PTPRG: variants seen among roughly 807,000 people sequenced by gnomAD.
PTPRG encodes the protein protein tyrosine phosphatase receptor type G.
Under a neutral mutation model 165.3 loss-of-function variants are expected in PTPRG, and 102 were observed. The observed-to-expected ratio is 0.62, with a 90% CI of 0.53 to 0.73. The LOEUF (loss-of-function observed/expected upper bound fraction) is 0.73, where lower values mean the gene tolerates loss of function less well. PTPRG is among the 30% of genes least tolerant of loss of function. The pLI is 0.00. For synonymous variants in PTPRG, 675 were observed against 669.5 expected, an observed-to-expected ratio of 1.01 and a Z score of -0.13; for missense variants, 1,866 against 1,861.4, an observed-to-expected ratio of 1.00 and a Z score of -0.05.
intron 2 of PTPRG, among the ~76,000 whole-genome samples, chr3:61,822,123 A>T (rs1023518714): frequency 6.6e-6 from 1 of 152,230 alleles, no homozygotes; most frequent in East Asian, 1.9e-4. Flanking sequence ...TGGAAGTATT[A>T]TGAGTTTGCT....
At chr3:61,995,237 T>C (rs1236842403) in intron 3 of PTPRG, among the ~76,000 whole-genome samples, 2 of 151,878 alleles carry the variant, frequency 1.3e-5, no homozygotes, top group Non-Finnish European at 1.5e-5. Flanking sequence ...TACAGGTGCA[T>C]GCCACCAAGC....
At chr3:61,781,854 A>C (rs1289753601) in intron 2 of PTPRG, among the ~76,000 whole-genome samples, 2 of 149,360 alleles carry the variant, frequency 1.3e-5, no homozygotes, top group African/African-American at 4.9e-5. Flanking sequence ...CAGCCTCCCA[A>C]GTAGCTGGGA....
In PTPRG at chr3:61,995,317, G is replaced by A. The variant is rs147140726; in HGVS notation, c.370+5513G>A. Among the ~76,000 whole-genome samples the A allele has an allele frequency of 6.0e-3, 907 of 151,818 alleles. 10 individuals carry two copies. Among genetic ancestry groups the A allele is most frequent in the African/African-American group, 0.018 (731 of 41,380 alleles). On this transcript the variant is annotated intron_variant, in intron 3 of 29. Transcript: ENST00000474889. ...TTGGCCAGGCTGGTCTCAAACTCCC[G>A]GCCTCAAGCAATCTGCCCCACCTCG...
intron 1 of PTPRG, among the ~76,000 whole-genome samples, chr3:61,588,700 C>T (rs1700496940): frequency 6.6e-6 from 1 of 152,218 alleles, no homozygotes; most frequent in South Asian, 2.1e-4. Context: ...CCTGCCTTGA[C>T]CTCCCAAAGT....
intron 3 of PTPRG, among the ~76,000 whole-genome samples, chr3:61,999,797 C>T (rs2041127713): frequency 6.6e-6 from 1 of 152,056 alleles, no homozygotes; most frequent in African/African-American, 2.4e-5. Context: ...CAATCTTGCT[C>T]ATGTTATTAA....
chr3:61,960,622 T>C (rs938976262), intron 2 of PTPRG, among the ~76,000 whole-genome samples: 1 of 152,172 alleles, frequency 6.6e-6, no homozygotes, highest in African/African-American at 2.4e-5. Context: ...TTTTCCTTCC[T>C]AAATGCAGAT....
chr3:61,715,652 G>GACTGCCTA (rs1227202107), intron 1 of PTPRG, among the ~76,000 whole-genome samples: 1 of 152,160 alleles, frequency 6.6e-6, no homozygotes, highest in Non-Finnish European at 1.5e-5. Context: ...CAGCTGGGTT[G>GACTGCCTA]ACTGCCTAAC....
intron 2 of PTPRG, among the ~76,000 whole-genome samples, chr3:61,784,475 A>G (rs1041052089): frequency 2.6e-5 from 4 of 152,188 alleles, no homozygotes; most frequent in Admixed American, 6.6e-5. Context: ...CAAATGAATC[A>G]TAGAGTTTAT....
In PTPRG at chr3:61,994,058, A is replaced by G. The variant is rs146808692; in HGVS notation, c.370+4254A>G. 6.9e-4 allele frequency among the ~76,000 whole-genome samples: 105 copies of G among 152,252 alleles called. No homozygotes were observed. The Middle Eastern group carries it at 0.01, about 15-fold the overall frequency. On this transcript the variant is annotated intron_variant, in intron 3 of 29. Transcript: ENST00000474889. ...TTCACAAGACAGATAGCATCTCTCT[A>G]TTTCTTCCTGAGGAGCCGTAACTAT...
intron 2 of PTPRG, among the ~76,000 whole-genome samples, chr3:61,951,846 G>A (rs944676741): frequency 1.3e-5 from 2 of 152,074 alleles, no homozygotes; most frequent in Admixed American, 6.5e-5. Context: ...TCGGCCTGGC[G>A]TGGTGGCTCA....
chr3:61,709,041 A>G (rs997353907), intron 1 of PTPRG, among the ~76,000 whole-genome samples: 1 of 152,260 alleles, frequency 6.6e-6, no homozygotes, highest in Admixed American at 6.5e-5. Flanking sequence ...TGTTAATTTC[A>G]GCACTATGCA....
intron 2 of PTPRG, among the ~76,000 whole-genome samples, chr3:61,984,133 G>A (rs1575850114): frequency 6.6e-6 from 1 of 152,120 alleles, no homozygotes; most frequent in East Asian, 1.9e-4. Flanking sequence ...GTGGAAATAT[G>A]TCTTCCTGAT....
chr3:61,965,024 C>T (rs984991028), intron 2 of PTPRG, among the ~76,000 whole-genome samples: 1 of 152,082 alleles, frequency 6.6e-6, no homozygotes, highest in African/African-American at 2.4e-5. Context: ...GGGCGGATCA[C>T]CTGAGGTCAG....
chr3:61,661,544 C>T (rs953103002), intron 1 of PTPRG, among the ~76,000 whole-genome samples: 9 of 152,074 alleles, frequency 5.9e-5, no homozygotes, highest in African/African-American at 1.4e-4. Flanking sequence ...ACTGTACCTA[C>T]GCTGAGCCAT....
chr3:62,132,073 G>A (rs115408556), intron 5 of PTPRG, among the ~76,000 whole-genome samples: 147 of 152,258 alleles, frequency 9.7e-4, no homozygotes, highest in African/African-American at 3.3e-3. Context: ...GGGAGACACT[G>A]TCTCTTCAAG....
In PTPRG at chr3:61,818,443, G is replaced by T. The variant is rs559295176; in HGVS notation, c.190+69461G>T. Among the ~76,000 whole-genome samples the T allele has an allele frequency of 3.3e-5, 5 of 152,218 alleles. No individual in the cohort carries two copies. In the South Asian group the frequency reaches 1.0e-3, roughly 32 times the overall value. ...AAGAATGCAAGAGCAAGTAGAGGAG[G>T]AGAAGATTTTAATAATCAAAGAGAA... On this transcript the variant is annotated intron_variant, in intron 2 of 29. Coordinates refer to ENST00000474889, the MANE Select transcript of PTPRG (RefSeq NM_002841.4).
At chr3:61,781,626 T>C (rs1168087314) in intron 2 of PTPRG, among the ~76,000 whole-genome samples, 1 of 152,230 alleles carries the variant, frequency 6.6e-6, no homozygotes. Flanking sequence ...AACAAATATT[T>C]TGCTTTTATC....
At chr3:61,920,090 G>A (rs1575785216) in intron 2 of PTPRG, among the ~76,000 whole-genome samples, 1 of 152,170 alleles carries the variant, frequency 6.6e-6, no homozygotes, top group African/African-American at 2.4e-5. Context: ...CCCTGGTTGA[G>A]GTGTTTTTCT....
At chr3:61,592,051 G>A (rs529531830) in intron 1 of PTPRG, among the ~76,000 whole-genome samples, 34 of 151,266 alleles carry the variant, frequency 2.2e-4, no homozygotes, top group African/African-American at 4.1e-4. Flanking sequence ...CCGTATCACC[G>A]CAGCCTCCGC....
Sources: allele counts gnomAD v4.1 joint callset (sites outside exome capture counted in the v4.1 genomes callset), GRCh38; gene constraint gnomAD v4.1.1; transcripts MANE v1.5; gene names NCBI Gene and HGNC (gene_info 2026-07-23, HGNC 2026-07-21).